Variants in MDN1 observed in about 807,000 individuals in gnomAD.
MDN1 encodes midasin AAA ATPase 1.
Under a neutral mutation model 669.2 loss-of-function variants are expected in MDN1, and 266 were observed. The ratio of observed to expected loss-of-function variants is 0.40; its 90% CI spans 0.36 to 0.44. MDN1 has a LOEUF of 0.44. Among genes scored for constraint, MDN1 ranks in the 20% least tolerant of loss-of-function variants. The pLI, the probability that MDN1 is intolerant of heterozygous loss-of-function variation, is 1.00. For synonymous variants in MDN1, 2,385 were observed against 2,457.1 expected, an observed-to-expected ratio of 0.97 and a Z score of 0.87; for missense variants, 5,940 against 6,754.0, an observed-to-expected ratio of 0.88 and a Z score of 4.22.
chr6:89,814,841 C>T (rs1308424923), intron 1 of MDN1: 2 of 484,910 alleles, frequency 4.1e-6, no homozygotes, highest in Non-Finnish European at 4.2e-6. Flanking sequence ...AAGGCTGCCC[C>T]TAAGAGCCGT....
chr6:89,667,006 C>T (rs1261138835), intron 84 of MDN1, among the ~76,000 whole-genome samples: 1 of 152,182 alleles, frequency 6.6e-6, no homozygotes, highest in Non-Finnish European at 1.5e-5. Flanking sequence ...TATATACACA[C>T]TCATATACCT....
At chr6:89,747,939 G>A (rs1349556760) in intron 26 of MDN1, among the ~76,000 whole-genome samples, 2 of 148,442 alleles carry the variant, frequency 1.3e-5, no homozygotes, top group Non-Finnish European at 3.0e-5. Context: ...AAAATAACTT[G>A]TAATATTCTG....
intron 76 of MDN1, among the ~76,000 whole-genome samples, chr6:89,676,426 C>A (rs1360050433): frequency 6.6e-6 from 1 of 152,198 alleles, no homozygotes; most frequent in African/African-American, 2.4e-5. Flanking sequence ...AACATGGTTT[C>A]TTCAATGAAA....
intron 58 of MDN1, 72 bp downstream of exon 58, chr6:89,699,529 C>A: frequency 1.3e-6 from 2 of 1,493,018 alleles, no homozygotes; most frequent in South Asian, 1.4e-5. Context: ...AAATGTTTCC[C>A]AACCAGTCTG....
rs771505043 is a variant in MDN1 at position 89,694,049 on chromosome 6, A to G, written c.9881+25T>C. 2.5e-6 allele frequency: 4 copies of G among 1,583,494 alleles called. No homozygotes were observed. The Admixed American group carries it at 6.7e-5, about 26-fold the overall frequency. ...AAAAGGAGAGTCAATAATCCCCAAA[A>G]CAAATAATCACTCTGCTGTGTTACC... is the stretch of plus-strand genomic sequence containing the variant. On this transcript the variant is annotated intron_variant, in intron 62 of 101. Transcript: ENST00000369393.
rs199917529 is a variant in MDN1, at chr6:89,719,077, G to T, written c.6058-47C>A. ...ATTTCCATAAGCGTGCCTGGTAGTG[G>T]GAGCAGAAGAAACCATTAAAAAATG... On this transcript the variant is annotated intron_variant, in intron 41 of 101. Transcript: ENST00000369393. 1.2e-4 allele frequency: 187 copies of T among 1,613,456 alleles called. 1 individual carries two copies. In the South Asian group the frequency reaches 2.0e-3, roughly 17 times the overall value.
chr6:89,647,337 A>G (rs1383000162), intron 99 of MDN1, among the ~76,000 whole-genome samples: 3 of 152,240 alleles, frequency 2.0e-5, no homozygotes, highest in African/African-American at 7.2e-5. Context: ...CAGGAGAAAT[A>G]TGATCCCATG....
At chr6:89,754,774 T>C (rs1562183701) in intron 20 of MDN1, among the ~76,000 whole-genome samples, 1 of 152,182 alleles carries the variant, frequency 6.6e-6, no homozygotes. Context: ...TCTTGCACTT[T>C]GTGAAATTCA....
chr6:89,790,184 T>C lies in MDN1; in HGVS notation c.1073A>G (p.Gln358Arg), dbSNP rs1053343205. The C allele has an allele frequency of 1.2e-6, 2 of 1,614,076 alleles. No homozygotes were observed. Among genetic ancestry groups the C allele is most frequent in the Non-Finnish European group, 1.7e-6 (2 of 1,179,994 alleles). Residue 358 changes from glutamine to arginine, a missense_variant, in exon 6 of 102, where the codon CAG (glutamine) becomes CGG (arginine). Physicochemically the swap from Gln to Arg is conservative, Grantham distance 43 (BLOSUM62 1). Around this residue, in one of 5 missense-constraint regions of MDN1, gnomAD observed 1,203 missense variants for 1,268.9 expected, o/e 0.95. Coordinates refer to ENST00000369393, the MANE Select transcript of MDN1 (RefSeq NM_014611.3). Reference sequence around the variant, plus strand: ...CTTACTGTCAGTCTGATCTCCAAGCTGGACTTTGAGAAGCTGAGGAGGCTT... The same window carrying C: ...CTTACTGTCAGTCTGATCTCCAAGCCGGACTTTGAGAAGCTGAGGAGGCTT... Reference protein sequence around the residue: ...RTKPPQLLKVQLGDQTDSKML... With the variant: ...RTKPPQLLKVRLGDQTDSKML...
intron 97 of MDN1, among the ~76,000 whole-genome samples, chr6:89,649,003 A>G (rs949230086): frequency 1.5e-4 from 23 of 151,728 alleles, no homozygotes; most frequent in East Asian, 3.9e-4. Flanking sequence ...AAAAAAAAAA[A>G]AAAGAAAGAA....
chr6:89,749,795 A>C (rs1198866097), intron 24 of MDN1, 44 bp from the exon 25 acceptor site: 1 of 1,420,190 alleles, frequency 7.0e-7, no homozygotes, highest in African/African-American at 1.4e-5. Flanking sequence ...AAATCAGTAC[A>C]AAGTTTTAAA....
At chr6:89,663,201 TA>T (rs1809932104) in intron 85 of MDN1, among the ~76,000 whole-genome samples, 1 of 152,032 alleles carries the variant, frequency 6.6e-6, no homozygotes, top group Non-Finnish European at 1.5e-5. Context: ...GTAAAAAGAG[TA>T]AGGAAATACC....
At chr6:89,671,312 T>G (rs1486716992) in intron 82 of MDN1, among the ~76,000 whole-genome samples, 1 of 152,170 alleles carries the variant, frequency 6.6e-6, no homozygotes, top group Non-Finnish European at 1.5e-5. Flanking sequence ...AACCGATGTC[T>G]CCTTTGGCTA....
intron 1 of MDN1, among the ~76,000 whole-genome samples, chr6:89,811,609 C>T (rs1211207262): frequency 6.6e-6 from 1 of 151,970 alleles, no homozygotes; most frequent in Admixed American, 6.6e-5. Flanking sequence ...CCACGCCCAG[C>T]TAATTTTTGT....
Position 89,693,133 on chromosome 6 carries a change from C to T in MDN1, c.9897G>A (p.Arg3299=). The T allele has an allele frequency of 6.3e-7, 1 of 1,588,912 alleles. No individual in the cohort carries two copies. Among genetic ancestry groups the T allele is most frequent in the South Asian group, 1.1e-5 (1 of 87,544 alleles). The change falls in exon 63 of 102, where the codon AGG becomes AGA. Residue 3299 remains arginine (R), a synonymous_variant. Coordinates refer to ENST00000369393, the MANE Select transcript of MDN1 (RefSeq NM_014611.3). The part of the protein sequence containing the change: ...SHPHVRLLRQ[R]MDRLDNLTCH... The stretch of plus-strand genomic sequence containing the variant: ...AGGTTAAATTATCCAGCCGATCCAT[C>T]CTTTGGCGAAGCAGCCTAACGGGAA...
At chr6:89,789,402 A>C (rs1321929744) in intron 7 of MDN1, among the ~76,000 whole-genome samples, 43 of 152,174 alleles carry the variant, frequency 2.8e-4, no homozygotes, top group Admixed American at 2.8e-3. Context: ...AGCTGCCACC[A>C]CTAAGAAGCA....
intron 1 of MDN1, 123 bp downstream of exon 1, chr6:89,819,383 A>G: frequency 1.1e-6 from 1 of 910,112 alleles, no homozygotes; most frequent in South Asian, 1.5e-5. Flanking sequence ...GGAGGGGGCC[A>G]GCTTGACCTG....
Position 89,668,117 on chromosome 6 carries a change from G to C in MDN1, c.13991C>G (p.Ser4664Ter). Reference sequence around the variant, plus strand: ...GAACTCAGTTGCTCCCTCTCCAGCTGAATCTTCCATAAATTCTTTGGGCAA... The same window carrying C: ...GAACTCAGTTGCTCCCTCTCCAGCTCAATCTTCCATAAATTCTTTGGGCAA... ...FCLPKEFMED[S>*]AGEGATEFHD... The change falls in exon 84 of 102, where the codon TCA becomes TGA. Residue 4664 changes from serine to a stop codon, truncating the protein, a stop_gained. Transcript: ENST00000369393. LOFTEE classifies it high-confidence loss of function. The C allele has an allele frequency of 6.2e-7, 1 of 1,613,976 alleles. No individual in the cohort carries two copies. The highest frequency in any genetic ancestry group is 8.5e-7 in the Non-Finnish European group (1 of 1,179,972).
Position 89,695,475 on chromosome 6 carries a change from A to G in MDN1, c.9771+130T>C, listed in dbSNP as rs796097169. The G allele has an allele frequency of 8.2e-7, 1 of 1,217,594 alleles. No individual in the cohort carries two copies. Among genetic ancestry groups the G allele is most frequent in the South Asian group, 1.6e-5 (1 of 63,464 alleles). The allele number at this position is 1,217,594 out of a possible 1,614,324, so 75.4% of individuals were successfully genotyped here. On this transcript the variant is annotated intron_variant, in intron 61 of 101. Transcript: ENST00000369393. The surrounding 1 kb of genome is among the most constrained non-coding windows in gnomAD (Gnocchi z 4.1). ...CTCTAAAACAGACTCCTGGGAAGTCATAAGGCAACTTATGCAATATCATGC... is the reference window on the plus strand; with the variant it reads ...CTCTAAAACAGACTCCTGGGAAGTCGTAAGGCAACTTATGCAATATCATGC...
Sources: gnomAD v4.1 joint callset for allele counts (sites outside exome capture counted in the v4.1 genomes callset) on GRCh38, gnomAD v4.1.1 for gene constraint, gnomAD v4.1.1 regional missense constraint, Gnocchi (gnomAD v3.1) non-coding constraint, MANE v1.5 for transcripts, NCBI Gene and HGNC (gene_info 2026-07-23, HGNC 2026-07-21) for gene names.